Variants in TIGAR observed in about 807,000 individuals in gnomAD.
TIGAR encodes the protein fructose-2,6-bisphosphatase TIGAR.
A neutral mutation model predicts 17.9 loss-of-function variants in TIGAR; 7 were observed. That is an observed-to-expected ratio of 0.39 (90% CI 0.22 to 0.73). TIGAR has a LOEUF of 0.73. Among genes scored for constraint, TIGAR ranks in the 30% least tolerant of loss-of-function variants. TIGAR has a pLI of 0.42. For missense variants in TIGAR, 258 were observed against 327.4 expected (o/e 0.79, Z 1.64); for synonymous variants, 94 against 108.6 (o/e 0.87, Z 0.84).
intron 1 of TIGAR, among the ~76,000 whole-genome samples, chr12:4,329,504 A>G (rs895921668): frequency 2.0e-5 from 3 of 151,736 alleles, no homozygotes; most frequent in Non-Finnish European, 4.4e-5. Flanking sequence ...ACGCATGGCT[A>G]AATTTTGTAT....
chr12:4,349,607 T>G (rs1409886647), intron 3 of TIGAR, among the ~76,000 whole-genome samples: 1 of 152,062 alleles, frequency 6.6e-6, no homozygotes, highest in Non-Finnish European at 1.5e-5. Context: ...TTAGTAGAGA[T>G]AGGGTTTCAC....
chr12:4,321,941 C>T lies in TIGAR; in HGVS notation c.32+638C>T, dbSNP rs953373934. ...ATGCTGATAGGTCTTTATGTATTTG[C>T]CAAGTGTTAACGGGAGGTGAAAATC... On this transcript the variant is annotated intron_variant, in intron 1 of 5. Coordinates refer to ENST00000179259, the MANE Select transcript of TIGAR (RefSeq NM_020375.3). The surrounding 1 kb of genome is among the most constrained non-coding windows in gnomAD (Gnocchi z 5.2). Among the ~76,000 whole-genome samples the T allele has an allele frequency of 2.6e-5, 4 of 152,270 alleles. No individual in the cohort carries two copies. The highest frequency in any genetic ancestry group is 5.9e-5 in the Non-Finnish European group (4 of 68,024).
chr12:4,349,390 C>A (rs1451704244), intron 3 of TIGAR, among the ~76,000 whole-genome samples: 1 of 150,898 alleles, frequency 6.6e-6, no homozygotes, highest in African/African-American at 2.4e-5. Context: ...CACAGAGAGG[C>A]AACTTTTGCA....
chr12:4,354,637 G>A lies in TIGAR; in HGVS notation c.*1946G>A, dbSNP rs1252320952. 6.6e-6 allele frequency: 1 copy of A among 151,444 alleles called. No homozygotes were observed. The highest frequency in any genetic ancestry group is 1.5e-5 in the Non-Finnish European group (1 of 67,940). 9.4% of individuals were successfully genotyped at this position (151,444 alleles called of 1,614,324 possible). A position where few individuals can be genotyped will look rare whatever the true frequency, so the allele number is the denominator to read the frequency against. On this transcript the variant is annotated 3_prime_UTR_variant, in exon 6 of 6. Coordinates refer to ENST00000179259, the MANE Select transcript of TIGAR (RefSeq NM_020375.3). ...CTCTGTGTTGATATATATAGATCTA[G>A]TTAATTATAACCACTCTATTCTATT...
At chr12:4,329,106 G>A (rs1864577155) in intron 1 of TIGAR, among the ~76,000 whole-genome samples, 1 of 151,640 alleles carries the variant, frequency 6.6e-6, no homozygotes, top group Non-Finnish European at 1.5e-5. Flanking sequence ...TCTATACCCT[G>A]CTTTTTCTAC....
chr12:4,337,621 T>TA (rs1218608186), intron 3 of TIGAR, among the ~76,000 whole-genome samples: 5 of 151,972 alleles, frequency 3.3e-5, no homozygotes, highest in Non-Finnish European at 7.4e-5. Flanking sequence ...TTGTACTTTT[T>TA]AAAAAAAATA....
In TIGAR at chr12:4,336,382, C is replaced by T. The variant is rs189426532; in HGVS notation, c.71-657C>T. ...TCGGTATTCACAGTTCAGCTCAGGG[C>T]TTTGGGGTTGCTTTACTTTGTCCCT... On this transcript the variant is annotated intron_variant, in intron 2 of 5. Transcript: ENST00000179259. Among the ~76,000 whole-genome samples the T allele has an allele frequency of 1.6e-3, 245 of 151,334 alleles. 8 individuals are homozygous for T. In the East Asian group the frequency reaches 0.045, roughly 28 times the overall value.
intron 1 of TIGAR, among the ~76,000 whole-genome samples, chr12:4,326,207 A>G (rs1046638090): frequency 3.9e-5 from 6 of 152,224 alleles, no homozygotes; most frequent in African/African-American, 1.4e-4. Flanking sequence ...GCAGATTTTG[A>G]AAATGAGTGG....
At position 4,351,346 on chromosome 12, in the gene TIGAR, T is replaced by C. The variant is rs1374617746; in HGVS notation, c.350T>C (p.Phe117Ser). Residue 117 changes from phenylalanine to serine, a missense_variant, in exon 5 of 6, where the codon TTT (phenylalanine) becomes TCT (serine). Physicochemically the swap from Phe to Ser is radical, Grantham distance 155. Transcript: ENST00000179259. ...GCAGCCAGGGAAGAGTGCCCTGTGTTTACACCGCCCGGAGGAGAGACGCTG... is the reference window on the plus strand; with the variant it reads ...GCAGCCAGGGAAGAGTGCCCTGTGTCTACACCGCCCGGAGGAGAGACGCTG... ...AKAAREECPV[F>S]TPPGGETLDQ... 6.2e-7 allele frequency: 1 copy of C among 1,614,030 alleles called. No homozygotes were observed. The highest frequency in any genetic ancestry group is 1.3e-5 in the African/African-American group (1 of 74,924).
At chr12:4,324,741 A>C (rs1214428283) in intron 1 of TIGAR, 1 of 678,718 alleles carries the variant, frequency 1.5e-6, no homozygotes, top group African/African-American at 1.8e-5. Context: ...CCCGTCCCGC[A>C]GCTGGTCCAA....
chr12:4,340,019 G>A (rs1179101490), intron 3 of TIGAR, among the ~76,000 whole-genome samples: 1 of 152,206 alleles, frequency 6.6e-6, no homozygotes, highest in Non-Finnish European at 1.5e-5. Flanking sequence ...AGACAAGGAT[G>A]CCCATTTTCA....
chr12:4,340,719 T>C (rs1864710502), intron 3 of TIGAR, among the ~76,000 whole-genome samples: 3 of 152,112 alleles, frequency 2.0e-5, no homozygotes, highest in African/African-American at 7.2e-5. Context: ...TAGACCAGAA[T>C]AGAGAACCCA....
At chr12:4,329,795 T>C (rs948592796) in intron 1 of TIGAR, among the ~76,000 whole-genome samples, 1 of 152,142 alleles carries the variant, frequency 6.6e-6, no homozygotes, top group African/African-American at 2.4e-5. Flanking sequence ...CAGCATTTTC[T>C]CCAGGCCCTG....
At position 4,358,613 on chromosome 12, in the gene TIGAR, A is replaced by G. The variant is rs10849046; in HGVS notation, c.*5922A>G. 0.18 allele frequency among the ~76,000 whole-genome samples: 26,831 copies of G among 152,034 alleles called. 3,381 individuals are homozygous for G. The highest frequency in any genetic ancestry group is 0.42 in the East Asian group (2,151 of 5,174). On this transcript the variant is annotated 3_prime_UTR_variant, in exon 6 of 6. Coordinates refer to ENST00000179259, the MANE Select transcript of TIGAR (RefSeq NM_020375.3). ...TTCCTGAGATCAACAATGTTCTTAT[A>G]TATAACCCAGAATAAATATCTGAGT...
intron 3 of TIGAR, among the ~76,000 whole-genome samples, chr12:4,345,828 C>A (rs1441219621): frequency 3.3e-5 from 5 of 152,180 alleles, no homozygotes; most frequent in Non-Finnish European, 7.3e-5. Context: ...AGGCAACCTA[C>A]AGAATGGGAG....
At chr12:4,343,899 CAG>C (rs1020833586) in intron 3 of TIGAR, among the ~76,000 whole-genome samples, 1 of 151,962 alleles carries the variant, frequency 6.6e-6, no homozygotes, top group African/African-American at 2.4e-5. Context: ...CTGGAGGAGA[CAG>C]AGACACAAAA....
chr12:4,339,545 T>G (rs1240992012), intron 3 of TIGAR, among the ~76,000 whole-genome samples: 46 of 152,216 alleles, frequency 3.0e-4, no homozygotes, highest in Admixed American at 2.7e-3. Flanking sequence ...AAACTTATTC[T>G]GTGAGGCCAG....
chr12:4,354,655 A>G lies in TIGAR; in HGVS notation c.*1964A>G, dbSNP rs1864877280. The G allele has an allele frequency of 6.8e-6, 1 of 148,124 alleles. No individual in the cohort carries two copies. Among genetic ancestry groups the G allele is most frequent in the Non-Finnish European group, 1.5e-5 (1 of 67,858 alleles). The allele number at this position is 148,124 out of a possible 1,614,324, so 9.2% of individuals were successfully genotyped here. ...AGATCTAGTTAATTATAACCACTCT[A>G]TTCTATTAAATATAGCACATTTTTG... On this transcript the variant is annotated 3_prime_UTR_variant, in exon 6 of 6. Transcript: ENST00000179259.
chr12:4,341,427 G>A (rs1013408641), intron 3 of TIGAR, among the ~76,000 whole-genome samples: 11 of 152,268 alleles, frequency 7.2e-5, no homozygotes, highest in Admixed American at 1.3e-4. Context: ...ATCTGAGAAC[G>A]GACAGACTGC....
Sources: allele counts gnomAD v4.1 joint callset (sites outside exome capture counted in the v4.1 genomes callset), GRCh38; gene constraint gnomAD v4.1.1; non-coding constraint Gnocchi (gnomAD v3.1); transcripts MANE v1.5; gene names NCBI Gene and HGNC (gene_info 2026-07-23, HGNC 2026-07-21).